Variants in CHRDL2 observed in about 807,000 individuals in gnomAD.
The protein encoded by CHRDL2 is chordin-like protein 2.
Under a neutral mutation model 54.3 loss-of-function variants are expected in CHRDL2, and 41 were observed. That is an observed-to-expected ratio of 0.76 (90% CI 0.59 to 0.98). CHRDL2 has a LOEUF of 0.98. Ranked by LOEUF, CHRDL2 falls within the 50% of genes least tolerant of loss-of-function variation. The pLI is 0.00. For synonymous variants in CHRDL2, 220 were observed against 224.3 expected (o/e 0.98, Z 0.17); for missense variants, 518 against 562.4 (o/e 0.92, Z 0.80).
At chr11:74,703,700 G>C (rs1415221328) in intron 7 of CHRDL2, among the ~76,000 whole-genome samples, 1 of 152,246 alleles carries the variant, frequency 6.6e-6, no homozygotes, top group Non-Finnish European at 1.5e-5. Flanking sequence ...TCAGAGCTGA[G>C]ATGGGCCCAG....
chr11:74,702,348 T>C (rs898912855), intron 9 of CHRDL2, among the ~76,000 whole-genome samples: 1 of 152,096 alleles, frequency 6.6e-6, no homozygotes, highest in Non-Finnish European at 1.5e-5. Context: ...GAATGAGAAC[T>C]GTGGTTCTGA....
rs564722395 is a variant in CHRDL2, at chr11:74,697,993, G to A, written c.1121-696C>T. On this transcript the variant is annotated intron_variant, in intron 9 of 10. Coordinates refer to ENST00000376332, the MANE Select transcript of CHRDL2 (RefSeq NM_001278473.3). ...CCAAGTACTTGACGTCCCCTGAGGAGGCCAAGCCTTTTCAAATGCCGTTCC... is the reference window on the plus strand; with the variant it reads ...CCAAGTACTTGACGTCCCCTGAGGAAGCCAAGCCTTTTCAAATGCCGTTCC... Among the ~76,000 whole-genome samples, 17 of 152,242 alleles carry A rather than the reference G, an allele frequency of 1.1e-4. No individual in the cohort carries two copies. In the East Asian group the frequency reaches 2.3e-3, roughly 21 times the overall value.
intron 2 of CHRDL2, among the ~76,000 whole-genome samples, chr11:74,715,839 G>A (rs542891248): frequency 2.6e-5 from 4 of 151,270 alleles, no homozygotes; most frequent in Non-Finnish European, 5.9e-5. Context: ...TTAGCCGGGC[G>A]TGGTGGTGCA....
chr11:74,698,354 G>C (rs1271806760), intron 9 of CHRDL2: 1 of 151,440 alleles, frequency 6.6e-6, no homozygotes, highest in African/African-American at 2.4e-5. Context: ...TTACAGGCGT[G>C]AGCCACTGCA....
intron 1 of CHRDL2, among the ~76,000 whole-genome samples, chr11:74,730,019 CTAATT>C (rs766953884): frequency 6.6e-6 from 1 of 152,170 alleles, no homozygotes; most frequent in Non-Finnish European, 1.5e-5. Context: ...CCTCTTTTCT[CTAATT>C]TAATCCTATC....
chr11:74,720,475 T>A (rs937969711), intron 1 of CHRDL2: 1 of 152,876 alleles, frequency 6.5e-6, no homozygotes, highest in African/African-American at 2.4e-5. Context: ...CTCCTGTGGC[T>A]TTTTACACAA....
chr11:74,730,178 C>A (rs1000462589), intron 1 of CHRDL2, among the ~76,000 whole-genome samples: 3 of 151,558 alleles, frequency 2.0e-5, no homozygotes, highest in Non-Finnish European at 4.4e-5. Context: ...TGCCCTGCCG[C>A]CTCCCAGAGT....
At chr11:74,717,758 A>C (rs1359723216) in intron 2 of CHRDL2, among the ~76,000 whole-genome samples, 2 of 152,190 alleles carry the variant, frequency 1.3e-5, no homozygotes, top group African/African-American at 2.4e-5. Context: ...GGCTCTGTGC[A>C]GGGAAAGAGT....
At chr11:74,712,916 G>A (rs2034241987) in intron 3 of CHRDL2, among the ~76,000 whole-genome samples, 1 of 152,146 alleles carries the variant, frequency 6.6e-6, no homozygotes, top group Non-Finnish European at 1.5e-5. Context: ...GACACATAGA[G>A]TCCCTGAATC....
intron 7 of CHRDL2, 41 bp from the exon 8 acceptor site, chr11:74,703,540 A>T: frequency 6.7e-7 from 1 of 1,493,116 alleles, no homozygotes; most frequent in Non-Finnish European, 9.0e-7. Flanking sequence ...TCAGGGCCTC[A>T]GACCTGGCCA....
At chr11:74,722,278 G>A (rs1401367623) in intron 1 of CHRDL2, among the ~76,000 whole-genome samples, 1 of 152,038 alleles carries the variant, frequency 6.6e-6, no homozygotes, top group Non-Finnish European at 1.5e-5. Context: ...TCCCACCTGT[G>A]CCCATGCATC....
intron 9 of CHRDL2, chr11:74,698,620 T>G (rs2033685272): frequency 6.7e-6 from 1 of 149,736 alleles, no homozygotes; most frequent in Admixed American, 6.7e-5. Context: ...GCATGTAGAA[T>G]GAATGAATCC....
chr11:74,708,264 G>A lies in CHRDL2; in HGVS notation c.526+38C>T, dbSNP rs751686164. The A allele has an allele frequency of 3.5e-6, 5 of 1,413,260 alleles. No homozygotes were observed. In the African/African-American group the frequency reaches 5.8e-5, roughly 16 times the overall value. The allele number at this position is 1,413,260 out of a possible 1,614,324, so 87.5% of individuals were successfully genotyped here. On this transcript the variant is annotated intron_variant, in intron 5 of 10. Coordinates refer to ENST00000376332, the MANE Select transcript of CHRDL2 (RefSeq NM_001278473.3). ...CCATGGCTAGGCCCATGGAGTGGAG[G>A]GGTGGGTGAGTGCTGCCAGATGGAG... is the stretch of plus-strand genomic sequence containing the variant.
At chr11:74,708,034 A>G (rs1054943414) in intron 5 of CHRDL2, among the ~76,000 whole-genome samples, 1 of 152,188 alleles carries the variant, frequency 6.6e-6, no homozygotes, top group African/African-American at 2.4e-5. Context: ...GCCCCTGGAC[A>G]TATTCCTGTA....
At chr11:74,711,752 A>G (rs1292801520) in intron 3 of CHRDL2, among the ~76,000 whole-genome samples, 1 of 151,854 alleles carries the variant, frequency 6.6e-6, no homozygotes, top group Non-Finnish European at 1.5e-5. Context: ...AGGTGGGAGG[A>G]TCACTTGACT....
chr11:74,711,141 C>T, intron 3 of CHRDL2, 150 bp from the exon 4 acceptor site: 1 of 848,888 alleles, frequency 1.2e-6, no homozygotes, highest in South Asian at 1.8e-5. Context: ...CCAGCCATTC[C>T]CCTTATCAGC....
At chr11:74,707,742 C>T in intron 5 of CHRDL2, among the ~76,000 whole-genome samples, 1 of 152,084 alleles carries the variant, frequency 6.6e-6, no homozygotes, top group South Asian at 2.1e-4. Flanking sequence ...GGCTCAGCCT[C>T]ACAGTGCCCC....
chr11:74,713,554 TC>T, intron 2 of CHRDL2, 75 bp from the exon 3 acceptor site: 2 of 1,163,956 alleles, frequency 1.7e-6, no homozygotes, highest in Non-Finnish European at 2.5e-6. Flanking sequence ...TTCCCAAAAC[TC>T]CCACCCCAAC....
chr11:74,702,974 A>G lies in CHRDL2; in HGVS notation c.947-7T>C. 1 of 1,604,502 alleles carries G rather than the reference A, an allele frequency of 6.2e-7. No individual in the cohort carries two copies. The highest frequency in any genetic ancestry group is 8.5e-7 in the Non-Finnish European group (1 of 1,174,966). On this transcript the variant is annotated splice_region_variant and splice_polypyrimidine_tract_variant and intron_variant, in intron 8 of 10. Transcript: ENST00000376332. ...CCAGGGTCTGCTTTGTCCTCTGGAG[A>G]GACAAGAAGCTCATGAAGTGTTCAA...
Sources: allele counts gnomAD v4.1 joint callset (sites outside exome capture counted in the v4.1 genomes callset), GRCh38; gene constraint gnomAD v4.1.1; transcripts MANE v1.5; gene names NCBI Gene and HGNC (gene_info 2026-07-23, HGNC 2026-07-21).